UBE2K: variants seen among roughly 807,000 people sequenced by gnomAD.
The protein encoded by UBE2K is ubiquitin conjugating enzyme E2 K.
Under a neutral mutation model 30.0 loss-of-function variants are expected in UBE2K, and 6 were observed. The ratio of observed to expected loss-of-function variants is 0.20; its 90% CI spans 0.11 to 0.39. The LOEUF is 0.39. Ranked by LOEUF, UBE2K falls within the 10% of genes least tolerant of loss-of-function variation. UBE2K has a pLI of 1.00. For synonymous variants in UBE2K, 86 were observed against 83.7 expected (o/e 1.03, Z -0.15); for missense variants, 61 against 241.6 (o/e 0.25, Z 4.96).
At chr4:39,703,733 G>A (rs919609247) in intron 1 of UBE2K, among the ~76,000 whole-genome samples, 2 of 151,362 alleles carry the variant, frequency 1.3e-5, no homozygotes, top group Non-Finnish European at 2.9e-5. Flanking sequence ...TGTAGTCCCA[G>A]CTACTTGGGA....
chr4:39,758,683 T>TA (rs373040924), intron 4 of UBE2K, among the ~76,000 whole-genome samples: 54 of 134,856 alleles, frequency 4.0e-4, no homozygotes, highest in East Asian at 1.1e-3. Context: ...ATCTCAAAAA[T>TA]AAAAAAAAAA....
intron 2 of UBE2K, among the ~76,000 whole-genome samples, chr4:39,741,174 G>A (rs1720683382): frequency 6.6e-6 from 1 of 152,208 alleles, no homozygotes; most frequent in East Asian, 1.9e-4. Flanking sequence ...AGGAGGCTGA[G>A]GCAGGAGAAT....
chr4:39,733,051 G>GAAAAAAAAAAAA (rs59978380), intron 1 of UBE2K, among the ~76,000 whole-genome samples: 1 of 97,060 alleles, frequency 1.0e-5, no homozygotes, highest in Non-Finnish European at 2.0e-5. Context: ...GGAACATCAG[G>GAAAAAAAAAAAA]AAAAAAAAAA....
chr4:39,733,593 A>G lies in UBE2K; in HGVS notation c.64-3827A>G, dbSNP rs1304711409. Among the ~76,000 whole-genome samples, 6 of 152,144 alleles carry G rather than the reference A, an allele frequency of 3.9e-5. No individual in the cohort carries two copies. The East Asian group carries it at 1.2e-3, about 29-fold the overall frequency. ...AATGATCCACCCGCCTTGGCCTCCCAAAGTGTTGGGATTACAGTCGTGAGC... is the reference window on the plus strand; with the variant it reads ...AATGATCCACCCGCCTTGGCCTCCCGAAGTGTTGGGATTACAGTCGTGAGC... On this transcript the variant is annotated intron_variant, in intron 1 of 6. Transcript: ENST00000261427.
At position 39,779,737 on chromosome 4, in the gene UBE2K, A is replaced by G. The variant is rs1172709695; in HGVS notation, c.*1303A>G. 6.6e-6 allele frequency: 1 copy of G among 152,332 alleles called. No individual in the cohort carries two copies. Among genetic ancestry groups the G allele is most frequent in the Non-Finnish European group, 1.5e-5 (1 of 68,032 alleles). The allele number at this position is 152,332 out of a possible 1,614,324, so 9.4% of individuals were successfully genotyped here. ...GAAGTGGATTTATGCAGGCAGTTCT[A>G]TATATAGAAATACAATTCTTTTTAA... On this transcript the variant is annotated 3_prime_UTR_variant, in exon 7 of 7. Transcript: ENST00000261427.
At chr4:39,728,057 C>A (rs922437117) in intron 1 of UBE2K, among the ~76,000 whole-genome samples, 1 of 151,938 alleles carries the variant, frequency 6.6e-6, no homozygotes, top group African/African-American at 2.4e-5. Context: ...TCGCTTCAAC[C>A]CGGGTGGTGG....
At position 39,698,524 on chromosome 4, in the gene UBE2K, A is replaced by C. The variant is rs1717823459; in HGVS notation, c.63+134A>C. Reference sequence around the variant, plus strand: ...GCCCTTCTGCCTGTGAGGAAGCAGCAGTGTTCCCCTCCTCCTTCCGCCGCC... The same window carrying C: ...GCCCTTCTGCCTGTGAGGAAGCAGCCGTGTTCCCCTCCTCCTTCCGCCGCC... On this transcript the variant is annotated intron_variant, in intron 1 of 6. Transcript: ENST00000261427. 6 of 779,710 alleles carry C rather than the reference A, an allele frequency of 7.7e-6. No individual in the cohort carries two copies. The South Asian group carries it at 9.4e-5, about 12-fold the overall frequency. The allele number at this position is 779,710 out of a possible 1,614,324, so 48.3% of individuals were successfully genotyped here. A position where few individuals can be genotyped will look rare whatever the true frequency, so the allele number is the denominator to read the frequency against.
intron 1 of UBE2K, among the ~76,000 whole-genome samples, chr4:39,719,865 T>G (rs1277282131): frequency 6.6e-6 from 1 of 152,242 alleles, no homozygotes; most frequent in East Asian, 1.9e-4. Flanking sequence ...AGTTTCTTGA[T>G]AGTGTACATG....
rs148937776 is a variant in UBE2K at position 39,768,157 on chromosome 4, G to T, written c.300-6677G>T. On this transcript the variant is annotated intron_variant, in intron 4 of 6. Transcript: ENST00000261427. ...CTTGTTATTGTGAGACTAGAAAGAC[G>T]GGCCATTGCGGTGTCTTACACCTGT... is the stretch of plus-strand genomic sequence containing the variant. 1.6e-3 allele frequency among the ~76,000 whole-genome samples: 242 copies of T among 152,012 alleles called. 1 individual carries two copies. Among genetic ancestry groups the T allele is most frequent in the African/African-American group, 5.5e-3 (230 of 41,448 alleles).
intron 3 of UBE2K, among the ~76,000 whole-genome samples, chr4:39,754,737 C>A (rs192125714): frequency 6.6e-6 from 1 of 152,200 alleles, no homozygotes; most frequent in African/African-American, 2.4e-5. Flanking sequence ...AACTCTTGGG[C>A]TAAAGTGATC....
intron 1 of UBE2K, among the ~76,000 whole-genome samples, chr4:39,717,456 C>T (rs12506764): frequency 3.3e-5 from 5 of 151,854 alleles, no homozygotes; most frequent in African/African-American, 9.7e-5. Context: ...GTCTTGAACT[C>T]CTGACCTTGT....
At chr4:39,735,197 A>G (rs926508472) in intron 1 of UBE2K, among the ~76,000 whole-genome samples, 3 of 152,126 alleles carry the variant, frequency 2.0e-5, no homozygotes, top group African/African-American at 7.2e-5. Flanking sequence ...GATACTAGAC[A>G]ATTTTTTATT....
At chr4:39,740,084 T>TA (rs1720610690) in intron 2 of UBE2K, among the ~76,000 whole-genome samples, 2 of 152,236 alleles carry the variant, frequency 1.3e-5, no homozygotes, top group South Asian at 2.1e-4. Flanking sequence ...TAGTTATCTT[T>TA]AAAAAATCAG....
rs1484927176 is a variant in UBE2K, at chr4:39,781,172, AG to A, written c.*2740del. On this transcript the variant is annotated 3_prime_UTR_variant, in exon 7 of 7. Coordinates refer to ENST00000261427, the MANE Select transcript of UBE2K (RefSeq NM_005339.5). The stretch of plus-strand genomic sequence containing the variant: ...GTGGTATATAAATATTTGAGGAACT[AG>A]GTACTGAATTAGGTGCTCTGAGTTG... 1.3e-5 allele frequency: 2 copies of A among 152,174 alleles called. No individual in the cohort carries two copies. Among genetic ancestry groups the A allele is most frequent in the Non-Finnish European group, 2.9e-5 (2 of 67,996 alleles). 9.4% of individuals were successfully genotyped at this position (152,174 alleles called of 1,614,324 possible). A position where few individuals can be genotyped will look rare whatever the true frequency, so the allele number is the denominator to read the frequency against.
intron 1 of UBE2K, among the ~76,000 whole-genome samples, chr4:39,733,140 A>G (rs1260506638): frequency 6.6e-6 from 1 of 151,152 alleles, no homozygotes; most frequent in African/African-American, 2.4e-5. Flanking sequence ...GCAATCTTTG[A>G]CCTATCCTTA....
At chr4:39,715,025 ATTTT>A (rs905603415) in intron 1 of UBE2K, among the ~76,000 whole-genome samples, 63 of 133,832 alleles carry the variant, frequency 4.7e-4, no homozygotes, top group Non-Finnish European at 9.0e-4. Flanking sequence ...CTCTTGGCTA[ATTTT>A]TTTTTTTTTT....
At chr4:39,775,751 C>CA (rs1241431531) in intron 5 of UBE2K, among the ~76,000 whole-genome samples, 2 of 151,970 alleles carry the variant, frequency 1.3e-5, no homozygotes, top group Non-Finnish European at 2.9e-5. Context: ...GACCCTGTCT[C>CA]AAAAAACAAA....
chr4:39,736,493 G>C (rs913821785), intron 1 of UBE2K, among the ~76,000 whole-genome samples: 1 of 152,064 alleles, frequency 6.6e-6, no homozygotes, highest in African/African-American at 2.4e-5. Flanking sequence ...TGTTCTTTAG[G>C]GATTTTGGTT....
rs1718360082 is a variant in UBE2K, at chr4:39,706,308, G to C, written c.63+7918G>C. On this transcript the variant is annotated intron_variant, in intron 1 of 6. Transcript: ENST00000261427. ...TGGGATTACAGGTGTGAACCACCCT[G>C]TCCGGCCACAATACCCAGCTAATTT... Among the ~76,000 whole-genome samples, 4 of 151,768 alleles carry C rather than the reference G, an allele frequency of 2.6e-5. No homozygotes were observed. In the South Asian group the frequency reaches 8.3e-4, roughly 32 times the overall value.
Sources: allele counts gnomAD v4.1 joint callset (sites outside exome capture counted in the v4.1 genomes callset), GRCh38; gene constraint gnomAD v4.1.1; transcripts MANE v1.5; gene names NCBI Gene and HGNC (gene_info 2026-07-23, HGNC 2026-07-21).